CCDC30: variants seen among roughly 807,000 people sequenced by gnomAD.
CCDC30 encodes the protein coiled-coil domain-containing protein 30.
In CCDC30, 70 loss-of-function variants were observed where a neutral mutation model predicts 100.2. The ratio of observed to expected loss-of-function variants is 0.70; its 90% CI spans 0.58 to 0.85. The LOEUF (loss-of-function observed/expected upper bound fraction) is 0.85. CCDC30 is among the 40% of genes least tolerant of loss of function. The pLI is 0.00. For missense variants in CCDC30, 652 were observed against 771.2 expected, an observed-to-expected ratio of 0.85 and a Z score of 1.83; for synonymous variants, 233 against 269.5, an observed-to-expected ratio of 0.86 and a Z score of 1.33.
intron 6 of CCDC30, among the ~76,000 whole-genome samples, chr1:42,520,448 C>T (rs2148502296): frequency 6.6e-6 from 1 of 151,706 alleles, no homozygotes; most frequent in East Asian, 1.9e-4. Context: ...TCTGCTGCCT[C>T]AGCCTCCTGA....
At chr1:42,513,009 G>C (rs1465767409) in intron 6 of CCDC30, among the ~76,000 whole-genome samples, 1 of 152,178 alleles carries the variant, frequency 6.6e-6, no homozygotes, top group Non-Finnish European at 1.5e-5. Flanking sequence ...AAAATTAAAG[G>C]ACAGATTTGA....
chr1:42,492,065 C>T (rs994021973), intron 4 of CCDC30: 15 of 393,386 alleles, frequency 3.8e-5, no homozygotes, highest in East Asian at 9.0e-5. Context: ...AAATGTGTTC[C>T]GTGGTCAAAA....
chr1:42,624,882 G>A (rs1367813603), intron 11 of CCDC30, among the ~76,000 whole-genome samples: 1 of 152,070 alleles, frequency 6.6e-6, no homozygotes, highest in Non-Finnish European at 1.5e-5. Context: ...TTTGGTATTA[G>A]GATAACACTG....
At position 42,512,920 on chromosome 1, in the gene CCDC30, C is replaced by T. The variant is rs193140256; in HGVS notation, c.456+14004C>T. On this transcript the variant is annotated intron_variant, in intron 6 of 16. Transcript: ENST00000668663. ...TTGTAAGGCTGGCAGCCACGCTAAC[C>T]GTGTTTTTAAATGGTTGATGGGAGC... 1.6e-3 allele frequency among the ~76,000 whole-genome samples: 241 copies of T among 152,248 alleles called. 1 individual carries two copies. The highest frequency in any genetic ancestry group is 2.2e-3 in the African/African-American group (90 of 41,518).
intron 3 of CCDC30, 186 bp downstream of exon 3, chr1:42,483,002 C>A: frequency 2.6e-6 from 1 of 387,748 alleles, no homozygotes; most frequent in Non-Finnish European, 4.5e-6. Flanking sequence ...GCATATCTAC[C>A]AAAAGTGCAC....
chr1:42,566,454 A>C, exon 7 of CCDC30: 1 of 1,613,588 alleles, frequency 6.2e-7, no homozygotes, highest in Non-Finnish European at 8.5e-7. Flanking sequence ...ATAATAGCTT[A>C]CTTCAGGAAG....
intron 7 of CCDC30, among the ~76,000 whole-genome samples, chr1:42,571,877 C>T (rs1165159994): frequency 6.6e-6 from 1 of 152,142 alleles, no homozygotes; most frequent in Non-Finnish European, 1.5e-5. Flanking sequence ...AAGAACTTTG[C>T]CTTTGAACAG....
downstream of CCDC30, among the ~76,000 whole-genome samples, chr1:42,657,028 A>G (rs1042916131): frequency 6.6e-6 from 1 of 152,180 alleles, no homozygotes; most frequent in Non-Finnish European, 1.5e-5. Flanking sequence ...GGAGGAGACC[A>G]AGAGGAGAGG....
At chr1:42,523,358 T>TA (rs1323073005) in intron 6 of CCDC30, among the ~76,000 whole-genome samples, 4 of 152,196 alleles carry the variant, frequency 2.6e-5, no homozygotes, top group Non-Finnish European at 5.9e-5. Flanking sequence ...TTTTGCCAGA[T>TA]ATAGGATTCT....
intron 11 of CCDC30, among the ~76,000 whole-genome samples, chr1:42,621,760 C>T (rs554414289): frequency 1.3e-5 from 2 of 152,146 alleles, no homozygotes; most frequent in South Asian, 4.2e-4. Context: ...ATCCGCCCGC[C>T]TCGGCCTCCC....
At chr1:42,653,247 C>A in intron 15 of CCDC30, 129 bp from the exon 20 acceptor site, 4 of 482,140 alleles carry the variant, frequency 8.3e-6, no homozygotes, top group Non-Finnish European at 1.5e-5. Flanking sequence ...ATTCTGTACC[C>A]TTTTATGTTT....
At chr1:42,605,946 T>A (rs192696034) in intron 10 of CCDC30, among the ~76,000 whole-genome samples, 1 of 152,060 alleles carries the variant, frequency 6.6e-6, no homozygotes, top group Non-Finnish European at 1.5e-5. Context: ...TTTTGGAAAA[T>A]TTTCTGGAGA....
intron 6 of CCDC30, among the ~76,000 whole-genome samples, chr1:42,512,844 G>A (rs1189231122): frequency 6.6e-6 from 1 of 152,148 alleles, no homozygotes; most frequent in Admixed American, 6.5e-5. Context: ...AGCAACCCGT[G>A]GTTTCTGGGG....
chr1:42,483,359 T>C (rs968214609), intron 3 of CCDC30, among the ~76,000 whole-genome samples: 12 of 152,254 alleles, frequency 7.9e-5, no homozygotes, highest in African/African-American at 2.9e-4. Flanking sequence ...CATTTTGGTA[T>C]ATGTCTCAGT....
chr1:42,521,761 T>C (rs1644651476), intron 6 of CCDC30, among the ~76,000 whole-genome samples: 2 of 151,950 alleles, frequency 1.3e-5, no homozygotes. Flanking sequence ...GTAATTATGA[T>C]ATATTTTTAC....
rs186087068 is a variant in CCDC30, at chr1:42,608,519, G to A, written c.1165-2459G>A. Among the ~76,000 whole-genome samples the A allele has an allele frequency of 8.9e-4, 135 of 151,942 alleles. 1 individual carries two copies. Among genetic ancestry groups the A allele is most frequent in the Non-Finnish European group, 1.7e-3 (115 of 67,968 alleles). On this transcript the variant is annotated intron_variant, in intron 10 of 16. Transcript: ENST00000668663. ...GATCGAGACCACCCTGGCTAACACC[G>A]TGAAACCCGTCTCTAGTAAAAATAC...
At chr1:42,477,400 T>C (rs1643895849) in intron 1 of CCDC30, among the ~76,000 whole-genome samples, 1 of 152,132 alleles carries the variant, frequency 6.6e-6, no homozygotes. Context: ...TGGCTAATTT[T>C]TGTATTTTTA....
intron 10 of CCDC30, among the ~76,000 whole-genome samples, chr1:42,602,647 A>G (rs6699801): frequency 0.39 from 60,066 of 152,090 alleles, 12,376 homozygotes; most frequent in Non-Finnish European, 0.45. Flanking sequence ...TTGAATCCAC[A>G]TACTAACCTT....
upstream of CCDC30, among the ~76,000 whole-genome samples, chr1:42,460,601 A>G (rs1643384179): frequency 6.6e-6 from 1 of 152,176 alleles, no homozygotes; most frequent in South Asian, 2.1e-4. Context: ...GTTTAACTTA[A>G]TATGTCCTTC....
Sources: gnomAD v4.1 joint callset for allele counts (sites outside exome capture counted in the v4.1 genomes callset) on GRCh38, gnomAD v4.1.1 for gene constraint, MANE v1.5 for transcripts, NCBI Gene and HGNC (gene_info 2026-07-23, HGNC 2026-07-21) for gene names.